The following CTPS2 variants were observed in gnomAD, a reference collection of about 807,000 sequenced individuals.
The protein encoded by CTPS2 is CTP synthase II.
Under a neutral mutation model 46.8 loss-of-function variants are expected in CTPS2, and 19 were observed. That is an observed-to-expected ratio of 0.41 (90% CI 0.28 to 0.60). The LOEUF (loss-of-function observed/expected upper bound fraction) is 0.60, where lower values mean the gene tolerates loss of function less well. CTPS2 is among the 20% of genes least tolerant of loss of function. CTPS2 has a pLI of 0.35. For synonymous variants in CTPS2, 151 were observed against 165.2 expected (o/e 0.91, Z 0.66); for missense variants, 286 against 447.6 (o/e 0.64, Z 3.26).
At chrX:16,621,313 G>T in intron 14 of CTPS2, among the ~76,000 whole-genome samples, 1 of 86,393 alleles carries the variant, frequency 1.2e-5, no homozygotes, top group African/African-American at 4.1e-5. Context: ...GGGGGTAGGG[G>T]GTTGGGGGAG....
chrX:16,611,332 T>A (rs926686628), intron 16 of CTPS2, among the ~76,000 whole-genome samples: 5 of 110,079 alleles, frequency 4.5e-5, no homozygotes, highest in African/African-American at 1.7e-4. Context: ...GCACCTGTGG[T>A]TCCAGCTACT....
At chrX:16,604,594 A>C (rs777816904) in intron 17 of CTPS2, among the ~76,000 whole-genome samples, 31 of 111,108 alleles carry the variant, frequency 2.8e-4, no homozygotes, top group Non-Finnish European at 4.9e-4. Flanking sequence ...TGGGAGGCCA[A>C]GGTGGGCGGA....
intron 13 of CTPS2, among the ~76,000 whole-genome samples, chrX:16,648,125 T>C (rs1211368804): frequency 1.8e-5 from 2 of 111,327 alleles, no homozygotes; most frequent in Non-Finnish European, 3.8e-5. Flanking sequence ...AAAAACCAGA[T>C]GCAAAACATA....
chrX:16,698,829 G>A, intron 3 of CTPS2, 94 bp downstream of exon 3: 1 of 859,349 alleles, frequency 1.2e-6, no homozygotes, highest in Non-Finnish European at 1.6e-6. Context: ...GGGATTACAG[G>A]CCTGAGCCAC....
chrX:16,668,817 A>G lies in CTPS2; in HGVS notation c.1190-1093T>C, dbSNP rs754633110. On this transcript the variant is annotated intron_variant, in intron 11 of 18. Transcript: ENST00000359276. ...AGGAAGGAAGGAAGGAAGGAAGGAA[A>G]GAAGGAAAGAAAGAGGCAGAGTCCA... 1.6e-3 allele frequency among the ~76,000 whole-genome samples: 144 copies of G among 91,601 alleles called. 1 individual carries two copies. Among genetic ancestry groups the G allele is most frequent in the Non-Finnish European group, 2.7e-3 (122 of 45,933 alleles). 79.5% of individuals were successfully genotyped at this position (91,601 alleles called of 115,157 possible).
intron 4 of CTPS2, 125 bp downstream of exon 4, chrX:16,698,111 A>AC: frequency 2.0e-6 from 1 of 509,967 alleles, no homozygotes; most frequent in South Asian, 3.0e-5. Context: ...TCTTGCTGTG[A>AC]CCCCACCTCC....
intron 13 of CTPS2, among the ~76,000 whole-genome samples, chrX:16,655,114 C>A (rs973299024): frequency 2.7e-5 from 3 of 111,327 alleles, no homozygotes; most frequent in Non-Finnish European, 5.7e-5. Context: ...TGATCTCACA[C>A]TATCCACTAG....
At chrX:16,599,476 C>CTTTTTTTTT (rs56794396) in intron 17 of CTPS2, among the ~76,000 whole-genome samples, 20 of 86,150 alleles carry the variant, frequency 2.3e-4, no homozygotes, top group East Asian at 3.5e-4. Flanking sequence ...TCTTTTTTTT[C>CTTTTTTTTT]TTTTTTTTTT....
In CTPS2 at chrX:16,702,762, A is replaced by T. The variant is rs1451436817; in HGVS notation, c.141T>A (p.Ala47=). Residue 47 remains alanine, a synonymous_variant, in exon 2 of 19, where the codon GCT becomes GCA. Coordinates refer to ENST00000359276, the MANE Select transcript of CTPS2 (RefSeq NM_175859.3). ...IKIDPYINID[A]GTFSPYEHGE... is the part of the protein sequence containing the mutation. ...CGTGTTCATAAGGTGAAAAAGTGCC[A>T]GCATCGATGTTAATATAGGGGTCGA... The T allele has an allele frequency of 1.7e-6, 2 of 1,210,909 alleles. No homozygotes were observed. Among genetic ancestry groups the T allele is most frequent in the East Asian group, 5.9e-5 (2 of 33,819 alleles).
intron 4 of CTPS2, 47 bp from the exon 5 acceptor site, chrX:16,693,534 TC>T: frequency 1.2e-6 from 1 of 813,263 alleles, no homozygotes; most frequent in Non-Finnish European, 1.8e-6. Flanking sequence ...ACCACACATC[TC>T]CCACAGTACA....
intron 13 of CTPS2, among the ~76,000 whole-genome samples, chrX:16,661,874 C>T (rs781663121): frequency 1.8e-5 from 2 of 110,614 alleles, no homozygotes; most frequent in Non-Finnish European, 3.8e-5. Context: ...ATTCTGTCTT[C>T]AGGGTGTAAT....
chrX:16,599,476 CTTTTTT>C (rs56794396), intron 17 of CTPS2, among the ~76,000 whole-genome samples: 3 of 86,212 alleles, frequency 3.5e-5, no homozygotes, highest in African/African-American at 1.4e-4. Context: ...TCTTTTTTTT[CTTTTTT>C]TTTTTTTTTT....
chrX:16,712,123 C>G (rs745969146), intron 1 of CTPS2: 2 of 111,879 alleles, frequency 1.8e-5, no homozygotes, highest in African/African-American at 6.5e-5. Context: ...CCCCGCGCCA[C>G]ACCCGGCAGC....
At chrX:16,643,512 T>C (rs756914258) in intron 13 of CTPS2, among the ~76,000 whole-genome samples, 3 of 111,745 alleles carry the variant, frequency 2.7e-5, no homozygotes, top group Non-Finnish European at 5.6e-5. Flanking sequence ...CGGCCTCCTC[T>C]AGTATTCTTT....
intron 16 of CTPS2, among the ~76,000 whole-genome samples, chrX:16,614,516 G>A (rs926295022): frequency 1.4e-4 from 16 of 112,498 alleles, no homozygotes; most frequent in Admixed American, 1.2e-3. Flanking sequence ...GTTAGCAAAT[G>A]TTTCTGTAAA....
chrX:16,645,890 C>G (rs111369398), intron 13 of CTPS2, among the ~76,000 whole-genome samples: 1,797 of 112,783 alleles, frequency 0.016, 29 homozygotes, highest in African/African-American at 0.054. Flanking sequence ...CTCTCTCTCA[C>G]CCATGTGATG....
intron 13 of CTPS2, among the ~76,000 whole-genome samples, chrX:16,661,213 G>A (rs1466727983): frequency 1.8e-5 from 2 of 111,942 alleles, no homozygotes; most frequent in African/African-American, 6.5e-5. Context: ...ACCGGCCTCA[G>A]CCTCCCAAAG....
At chrX:16,606,133 A>G (rs1404300667) in intron 17 of CTPS2, among the ~76,000 whole-genome samples, 2 of 112,736 alleles carry the variant, frequency 1.8e-5, no homozygotes, top group African/African-American at 6.4e-5. Context: ...TTTACACTCC[A>G]TGCTTTAAAG....
rs748266863 is a variant in CTPS2 at position 16,687,925 on chromosome X, T to C, written c.872+1525A>G. On this transcript the variant is annotated intron_variant, in intron 8 of 18. Transcript: ENST00000359276. ...ATAATTGCCACTAGGTAGGCACTGG[T>C]ATCCCCTTATTATATACAGAAGGGA... is the stretch of plus-strand genomic sequence containing the variant. Among the ~76,000 whole-genome samples, 12 of 110,941 alleles carry C rather than the reference T, an allele frequency of 1.1e-4. No individual in the cohort carries two copies. The South Asian group carries it at 4.6e-3, about 42-fold the overall frequency.
Sources: gnomAD v4.1 joint callset for allele counts (sites outside exome capture counted in the v4.1 genomes callset) on GRCh38, gnomAD v4.1.1 for gene constraint, MANE v1.5 for transcripts, NCBI Gene and HGNC (gene_info 2026-07-23, HGNC 2026-07-21) for gene names.